Variants in NINL observed in about 807,000 individuals in gnomAD.
NINL encodes ninein like, also known as ninein-like protein.
In NINL, 153 loss-of-function variants were observed where a neutral mutation model predicts 160.3. The observed-to-expected ratio is 0.95, with a 90% CI of 0.84 to 1.09. The LOEUF (loss-of-function observed/expected upper bound fraction) is 1.09, where lower values mean the gene tolerates loss of function less well. NINL is among the 50% of genes least tolerant of loss of function. NINL has a pLI of 0.00. For synonymous variants in NINL, 800 were observed against 734.8 expected (o/e 1.09, Z -1.43); for missense variants, 1,829 against 1,764.0 (o/e 1.04, Z -0.66).
intron 19 of NINL, among the ~76,000 whole-genome samples, 200 bp downstream of exon 19, chr20:25,467,189 C>T (rs567095462): frequency 6.6e-6 from 1 of 152,176 alleles, no homozygotes; most frequent in Non-Finnish European, 1.5e-5. Context: ...TTGGGACCAC[C>T]GGCAGATTTG....
chr20:25,563,238 T>C (rs2064965102), intron 1 of NINL, among the ~76,000 whole-genome samples: 1 of 152,202 alleles, frequency 6.6e-6, no homozygotes, highest in African/African-American at 2.4e-5. Context: ...TTTGTAACAC[T>C]GTCTGAAGCA....
At chr20:25,482,140 G>A (rs773612735) in intron 13 of NINL, 40 bp from the exon 14 acceptor site, 2 of 1,576,304 alleles carry the variant, frequency 1.3e-6, no homozygotes, top group Non-Finnish European at 1.7e-6. Flanking sequence ...AGCAGCTGCA[G>A]CCATTCAGCC....
At chr20:25,482,757 C>T (rs928409355) in intron 13 of NINL, among the ~76,000 whole-genome samples, 2 of 151,798 alleles carry the variant, frequency 1.3e-5, no homozygotes, top group African/African-American at 4.8e-5. Flanking sequence ...GGCATGGTGG[C>T]TCACGCCTGT....
chr20:25,491,407 C>G lies in NINL; in HGVS notation c.1429G>C (p.Gly477Arg), dbSNP rs775626038. 7 of 1,613,078 alleles carry G rather than the reference C, an allele frequency of 4.3e-6. 1 individual carries two copies. The Admixed American group carries it at 1.2e-4, about 27-fold the overall frequency. The change falls in exon 11 of 24, where the codon GGG becomes CGG. Residue 477 changes from glycine to arginine, a missense_variant. By Grantham distance (125) the Gly-to-Arg change is moderately radical. Transcript: ENST00000278886. ...RQRAALEWDVGRLQAEEAGLR... is the reference protein window; with the variant it reads ...RQRAALEWDVRRLQAEEAGLR... ...CCAGCCTCCTCAGCCTGCAGGCGCC[C>G]CACGTCCCACTCCAGCGCGGCCCTC...
chr20:25,572,127 C>T lies in NINL; in HGVS notation c.-12+13328G>A, dbSNP rs6138605. On this transcript the variant is annotated intron_variant, in intron 1 of 23. Coordinates refer to ENST00000278886, the MANE Select transcript of NINL (RefSeq NM_025176.6). ...ATGAGGACAGACCCTGCAGGGTCAC[C>T]ACAGCATCTTAGTAATACAGTCTGT... is the stretch of plus-strand genomic sequence containing the variant. Among the ~76,000 whole-genome samples the T allele has an allele frequency of 7.4e-3, 1,121 of 152,054 alleles. 73 individuals are homozygous for T. In the East Asian group the frequency reaches 0.16, roughly 22 times the overall value.
At chr20:25,560,027 G>A (rs529818669) in intron 1 of NINL, among the ~76,000 whole-genome samples, 1 of 152,286 alleles carries the variant, frequency 6.6e-6, no homozygotes, top group Admixed American at 6.5e-5. Flanking sequence ...TAACCTCCTG[G>A]GTTCAAGCGA....
intron 17 of NINL, among the ~76,000 whole-genome samples, chr20:25,472,324 GATATATATATATATATATATATATAT>G (rs56260321): frequency 1.2e-3 from 99 of 83,956 alleles, no homozygotes; most frequent in African/African-American, 3.4e-3. Flanking sequence ...GGGAGGAGAG[GATATATATATATATATATATATATAT>G]ATATATATAT....
At chr20:25,510,838 G>T in intron 4 of NINL, 98 bp from the exon 5 acceptor site, 1 of 907,806 alleles carries the variant, frequency 1.1e-6, no homozygotes. Flanking sequence ...GGGAAGTGGG[G>T]GATGGCTGAG....
rs1568922508 is a variant in NINL at position 25,503,946 on chromosome 20, T to C, written c.861+6A>G. ...CTGGGTTCAGGATTTAACTGTTGCA[T>C]TTTACCTGGTAATGAGACCAAGCCT... On this transcript the variant is annotated splice_donor_region_variant and intron_variant, in intron 7 of 23. Transcript: ENST00000278886. 2 of 1,614,090 alleles carry C rather than the reference T, an allele frequency of 1.2e-6. No individual in the cohort carries two copies. Among genetic ancestry groups the C allele is most frequent in the Non-Finnish European group, 1.7e-6 (2 of 1,179,982 alleles).
At chr20:25,489,454 C>A in intron 12 of NINL, 130 bp from the exon 13 acceptor site, 1 of 726,398 alleles carries the variant, frequency 1.4e-6, no homozygotes, top group Non-Finnish European at 2.4e-6. Context: ...CAGGTATAGC[C>A]GCCATCCCCC....
chr20:25,461,758 C>A, intron 20 of NINL, 123 bp from the exon 21 acceptor site: 1 of 671,576 alleles, frequency 1.5e-6, no homozygotes, highest in Non-Finnish European at 2.5e-6. Context: ...TCCCTGTGAA[C>A]CCACCAACCA....
At chr20:25,576,254 ATG>A (rs1335410629) in intron 1 of NINL, among the ~76,000 whole-genome samples, 2 of 152,112 alleles carry the variant, frequency 1.3e-5, no homozygotes. Flanking sequence ...GTTATGTAGA[ATG>A]TCCCAGAGTC....
chr20:25,524,904 AATATAT>A (rs35820142), intron 2 of NINL, among the ~76,000 whole-genome samples: 16 of 145,452 alleles, frequency 1.1e-4, no homozygotes, highest in African/African-American at 3.8e-4. Flanking sequence ...CTCAAATTAA[AATATAT>A]ATATATATAT....
At chr20:25,570,554 A>G (rs2065042212) in intron 1 of NINL, among the ~76,000 whole-genome samples, 2 of 152,094 alleles carry the variant, frequency 1.3e-5, no homozygotes, top group African/African-American at 2.4e-5. Context: ...CAGTTTGCAG[A>G]ACCCTGAGCC....
chr20:25,515,605 C>T lies in NINL; in HGVS notation c.277+2148G>A, dbSNP rs113701870. ...TGCAGGGTGAAATGATATGGTTTGG[C>T]TGTGTGTCCCCACCCAAATCTCATG... On this transcript the variant is annotated intron_variant, in intron 3 of 23. Transcript: ENST00000278886. 6.5e-3 allele frequency among the ~76,000 whole-genome samples: 993 copies of T among 152,218 alleles called. 16 individuals are homozygous for T. Among genetic ancestry groups the T allele is most frequent in the African/African-American group, 0.023 (951 of 41,516 alleles).
In NINL at chr20:25,500,949, C is replaced by CTG; in HGVS notation, c.921_922dup (p.Ser308ThrfsTer48). The CTG allele has an allele frequency of 6.2e-7, 1 of 1,614,228 alleles. No homozygotes were observed. Among genetic ancestry groups the CTG allele is most frequent in the East Asian group, 2.2e-5 (1 of 44,890 alleles). ...GTCAATGCTGGAGAAGAGGCGCAGGCTGGAGCACAGGGACACGAGGGATGA... is the reference window on the plus strand; with the variant it reads ...GTCAATGCTGGAGAAGAGGCGCAGGCTGTGGAGCACAGGGACACGAGGGATGA... On this transcript the variant is annotated frameshift_variant, in exon 8 of 24. Coordinates refer to ENST00000278886, the MANE Select transcript of NINL (RefSeq NM_025176.6). LOFTEE classifies it high-confidence loss of function.
chr20:25,573,637 A>T (rs188964651), intron 1 of NINL, among the ~76,000 whole-genome samples: 1 of 152,376 alleles, frequency 6.6e-6, no homozygotes, highest in East Asian at 1.9e-4. Flanking sequence ...TAGATAAAAC[A>T]CAGCAATCTG....
At position 25,570,562 on chromosome 20, in the gene NINL, G is replaced by A. The variant is rs1460220648; in HGVS notation, c.-12+14893C>T. On this transcript the variant is annotated intron_variant, in intron 1 of 23. Transcript: ENST00000278886. ...TCCTATACAGTTTGCAGAACCCTGA[G>A]CCAATTAAACCTCTCTTCTTTATAA... 5.3e-5 allele frequency among the ~76,000 whole-genome samples: 8 copies of A among 152,012 alleles called. No homozygotes were observed. In the East Asian group the frequency reaches 9.7e-4, roughly 18 times the overall value.
chr20:25,474,132 G>T (rs2063174907), intron 17 of NINL, among the ~76,000 whole-genome samples: 1 of 152,214 alleles, frequency 6.6e-6, no homozygotes, highest in Admixed American at 6.5e-5. Flanking sequence ...GAGGTAGAAA[G>T]TGGAGGCAGA....
Sources: allele counts gnomAD v4.1 joint callset (sites outside exome capture counted in the v4.1 genomes callset), GRCh38; gene constraint gnomAD v4.1.1; transcripts MANE v1.5; gene names NCBI Gene and HGNC (gene_info 2026-07-23, HGNC 2026-07-21).